CDH13: variants seen among roughly 807,000 people sequenced by gnomAD.
CDH13 encodes cadherin 13.
CDH13 carries 24 observed loss-of-function variants against 63.8 expected under a neutral mutation model. The ratio of observed to expected loss-of-function variants is 0.38; its 90% CI spans 0.27 to 0.53. The LOEUF (loss-of-function observed/expected upper bound fraction) is 0.53, where lower values mean the gene tolerates loss of function less well. Ranked by LOEUF, CDH13 falls within the 20% of genes least tolerant of loss-of-function variation. The probability of loss-of-function intolerance (pLI) is 0.85; values close to 1 mark genes in which losing one functional copy is unlikely to be tolerated. For missense variants in CDH13, 1,049 were observed against 903.1 expected, an observed-to-expected ratio of 1.16 and a Z score of -2.07; for synonymous variants, 503 against 355.3, an observed-to-expected ratio of 1.42 and a Z score of -4.67.
At chr16:83,771,296 C>A (rs1914745856) in intron 11 of CDH13, among the ~76,000 whole-genome samples, 1 of 152,188 alleles carries the variant, frequency 6.6e-6, no homozygotes, top group East Asian at 1.9e-4. Flanking sequence ...CCCAGGCAGG[C>A]CAGGTGGCCA....
chr16:82,974,784 G>C (rs1036317247), intron 2 of CDH13, among the ~76,000 whole-genome samples: 1 of 152,194 alleles, frequency 6.6e-6, no homozygotes, highest in Admixed American at 6.5e-5. Flanking sequence ...TGTAGAACAT[G>C]TAAAAGAAAA....
chr16:83,004,814 A>G (rs554741076), intron 2 of CDH13, among the ~76,000 whole-genome samples: 1 of 152,304 alleles, frequency 6.6e-6, no homozygotes, highest in South Asian at 2.1e-4. Context: ...ATGTTTTGAA[A>G]AGGCTGTGGA....
intron 3 of CDH13, among the ~76,000 whole-genome samples, chr16:83,034,213 G>A (rs1437230843): frequency 6.6e-6 from 1 of 152,110 alleles, no homozygotes; most frequent in African/African-American, 2.4e-5. Context: ...GGCTTAGCCT[G>A]AGTATCCTTC....
chr16:83,225,798 C>G (rs943471791), intron 5 of CDH13, among the ~76,000 whole-genome samples: 1 of 152,122 alleles, frequency 6.6e-6, no homozygotes. Context: ...CATTGTGAAG[C>G]CAAGTTTGAG....
At chr16:82,935,865 G>A (rs2042650962) in intron 2 of CDH13, among the ~76,000 whole-genome samples, 1 of 152,166 alleles carries the variant, frequency 6.6e-6, no homozygotes, top group Non-Finnish European at 1.5e-5. Context: ...AGAAGAGAAA[G>A]AGAAACAGCT....
At chr16:83,544,413 A>T (rs1471255492) in intron 7 of CDH13, among the ~76,000 whole-genome samples, 5 of 152,098 alleles carry the variant, frequency 3.3e-5, no homozygotes, top group African/African-American at 1.2e-4. Context: ...TAAGTTGAAA[A>T]TTATCATTAA....
chr16:83,003,273 A>G (rs1913127940), intron 2 of CDH13, among the ~76,000 whole-genome samples: 1 of 152,160 alleles, frequency 6.6e-6, no homozygotes, highest in Non-Finnish European at 1.5e-5. Flanking sequence ...GTAGTTTGGA[A>G]AAGGTCAAGG....
intron 2 of CDH13, among the ~76,000 whole-genome samples, chr16:82,923,317 C>T (rs949639424): frequency 6.6e-6 from 1 of 152,302 alleles, no homozygotes. Flanking sequence ...AGTTTAAGGA[C>T]TGGTGTGCAT....
At chr16:83,264,203 A>G (rs1287500789) in intron 5 of CDH13, among the ~76,000 whole-genome samples, 2 of 152,204 alleles carry the variant, frequency 1.3e-5, no homozygotes, top group African/African-American at 2.4e-5. Context: ...TTCATCCAGT[A>G]TGATGCTCTC....
At position 82,651,310 on chromosome 16, in the gene CDH13, T is replaced by C. The variant is rs866544518; in HGVS notation, c.45+24173T>C. Among the ~76,000 whole-genome samples the C allele has an allele frequency of 3.9e-5, 6 of 152,348 alleles. No individual in the cohort carries two copies. In the South Asian group the frequency reaches 1.0e-3, roughly 26 times the overall value. On this transcript the variant is annotated intron_variant, in intron 1 of 13. Coordinates refer to ENST00000567109, the MANE Select transcript of CDH13 (RefSeq NM_001257.5). ...CTTCTGAATATGATTAACTTCATTTTATAGCTGAGGAGTCTACAGCCTATA... is the reference window on the plus strand; with the variant it reads ...CTTCTGAATATGATTAACTTCATTTCATAGCTGAGGAGTCTACAGCCTATA...
At chr16:83,335,561 A>G (rs951932367) in intron 5 of CDH13, among the ~76,000 whole-genome samples, 7 of 152,078 alleles carry the variant, frequency 4.6e-5, no homozygotes, top group Admixed American at 3.9e-4. Context: ...CTTATGCCCA[A>G]TTTCTGCCTC....
chr16:82,854,388 A>C (rs2039608099), intron 1 of CDH13, among the ~76,000 whole-genome samples: 1 of 121,640 alleles, frequency 8.2e-6, no homozygotes. Context: ...GTGACAGAGC[A>C]AGGCTCTGTC....
chr16:83,632,085 A>T (rs142982519), intron 8 of CDH13, among the ~76,000 whole-genome samples: 2 of 152,320 alleles, frequency 1.3e-5, no homozygotes, highest in Non-Finnish European at 2.9e-5. Context: ...GGATCCACAG[A>T]GTCTTAGAAG....
chr16:82,654,497 T>TG (rs1911078684), intron 1 of CDH13, among the ~76,000 whole-genome samples: 1 of 152,210 alleles, frequency 6.6e-6, no homozygotes, highest in Admixed American at 6.5e-5. Context: ...AAAGGCTGTG[T>TG]GGGAGGTGGA....
intron 8 of CDH13, among the ~76,000 whole-genome samples, chr16:83,633,103 C>G (rs908510711): frequency 6.6e-6 from 1 of 152,166 alleles, no homozygotes; most frequent in African/African-American, 2.4e-5. Context: ...TGGCCAGCTT[C>G]TTTACTGCAA....
At chr16:83,377,079 T>C (rs2091473117) in intron 6 of CDH13, among the ~76,000 whole-genome samples, 2 of 152,188 alleles carry the variant, frequency 1.3e-5, no homozygotes, top group Non-Finnish European at 2.9e-5. Flanking sequence ...TCTCCAACCC[T>C]GGCTGACCTC....
At chr16:83,065,721 CAAAAAAACA>C (rs1466978377) in intron 3 of CDH13, among the ~76,000 whole-genome samples, 11 of 87,470 alleles carry the variant, frequency 1.3e-4, no homozygotes, top group East Asian at 4.2e-4. Flanking sequence ...AACAAAAAAA[CAAAAAAACA>C]AAAAAAAAAA....
At chr16:82,972,482 C>G (rs1908903276) in intron 2 of CDH13, among the ~76,000 whole-genome samples, 1 of 152,192 alleles carries the variant, frequency 6.6e-6, no homozygotes, top group Non-Finnish European at 1.5e-5. Flanking sequence ...AGCTGAGTCT[C>G]CAGAGCAAGT....
At chr16:83,503,128 C>G (rs955771649) in intron 7 of CDH13, among the ~76,000 whole-genome samples, 1 of 152,206 alleles carries the variant, frequency 6.6e-6, no homozygotes, top group Non-Finnish European at 1.5e-5. Context: ...TAAGAATGTT[C>G]ACATCATCAG....
Sources: allele counts gnomAD v4.1 joint callset (sites outside exome capture counted in the v4.1 genomes callset), GRCh38; gene constraint gnomAD v4.1.1; transcripts MANE v1.5; gene names NCBI Gene and HGNC (gene_info 2026-07-23, HGNC 2026-07-21).